Variants in ARHGAP15 observed in about 807,000 individuals in gnomAD.
ARHGAP15 encodes the protein Rho GTPase activating protein 15.
Under a neutral mutation model 63.7 loss-of-function variants are expected in ARHGAP15, and 51 were observed. The observed-to-expected ratio is 0.80, with a 90% CI of 0.64 to 1.01. The LOEUF (loss-of-function observed/expected upper bound fraction) is 1.01. ARHGAP15 is among the 50% of genes least tolerant of loss of function. The probability of loss-of-function intolerance (pLI) is 0.00; values close to 1 mark genes in which losing one functional copy is unlikely to be tolerated. For missense variants in ARHGAP15, 560 were observed against 564.6 expected (o/e 0.99, Z 0.08); for synonymous variants, 191 against 193.8 (o/e 0.99, Z 0.12).
intron 13 of ARHGAP15, 105 bp downstream of exon 13, chr2:143,703,629 C>A: frequency 1.2e-6 from 1 of 804,672 alleles, no homozygotes; most frequent in South Asian, 1.9e-5. Flanking sequence ...GCGTACATCT[C>A]GTATTTTCCC....
chr2:143,378,547 G>A (rs2381468), intron 6 of ARHGAP15, among the ~76,000 whole-genome samples: 61,152 of 151,766 alleles, frequency 0.4, 12,585 homozygotes, highest in African/African-American at 0.48. Flanking sequence ...TAATGCCTTA[G>A]AGAAAGAATA....
intron 11 of ARHGAP15, among the ~76,000 whole-genome samples, chr2:143,611,499 T>C (rs1467844064): frequency 1.3e-5 from 2 of 152,210 alleles, no homozygotes; most frequent in Non-Finnish European, 2.9e-5. Context: ...CATAAGATCA[T>C]GCAGATAAAG....
At chr2:143,729,471 C>A (rs1685432891) in intron 13 of ARHGAP15, among the ~76,000 whole-genome samples, 1 of 152,202 alleles carries the variant, frequency 6.6e-6, no homozygotes, top group South Asian at 2.1e-4. Context: ...TGGTCCGATT[C>A]ACTTTTGTTT....
chr2:143,666,883 C>A (rs1559114217), intron 12 of ARHGAP15, among the ~76,000 whole-genome samples: 1 of 148,282 alleles, frequency 6.7e-6, no homozygotes, highest in South Asian at 2.1e-4. Context: ...CCATCTCACA[C>A]CAGTTAGAAT....
intron 13 of ARHGAP15, 24 bp from the exon 14 acceptor site, chr2:143,767,965 A>ATTTTTTTT: frequency 6.3e-7 from 1 of 1,582,952 alleles, no homozygotes; most frequent in Admixed American, 1.8e-5. Context: ...CAGTGAAATT[A>ATTTTTTTT]TTTTTTTTTC....
At chr2:143,348,570 TC>T (rs1174876568) in intron 6 of ARHGAP15, among the ~76,000 whole-genome samples, 1 of 152,154 alleles carries the variant, frequency 6.6e-6, no homozygotes, top group Non-Finnish European at 1.5e-5. Context: ...TTCTGAAGTG[TC>T]AGCTTCATCT....
chr2:143,212,335 G>C (rs1002610488), intron 3 of ARHGAP15, among the ~76,000 whole-genome samples: 1 of 152,126 alleles, frequency 6.6e-6, no homozygotes, highest in Admixed American at 6.5e-5. Flanking sequence ...TGTGTCTGCC[G>C]AGCACTTCCT....
intron 6 of ARHGAP15, among the ~76,000 whole-genome samples, chr2:143,283,356 G>A (rs752237623): frequency 3.3e-5 from 5 of 152,028 alleles, no homozygotes; most frequent in Non-Finnish European, 5.9e-5. Flanking sequence ...AAAAATATAG[G>A]TGATATCTTT....
At chr2:143,137,089 C>T (rs1226549817) in intron 1 of ARHGAP15, among the ~76,000 whole-genome samples, 1 of 152,048 alleles carries the variant, frequency 6.6e-6, no homozygotes, top group Non-Finnish European at 1.5e-5. Flanking sequence ...GACTATTATA[C>T]TTCAAATTAG....
At chr2:143,429,058 A>T (rs1056976990) in intron 6 of ARHGAP15, among the ~76,000 whole-genome samples, 1 of 152,150 alleles carries the variant, frequency 6.6e-6, no homozygotes, top group African/African-American at 2.4e-5. Flanking sequence ...GTCGTTTTTC[A>T]TATGAGCACC....
intron 6 of ARHGAP15, among the ~76,000 whole-genome samples, chr2:143,411,851 C>G (rs535379142): frequency 6.6e-6 from 1 of 152,130 alleles, no homozygotes; most frequent in African/African-American, 2.4e-5. Context: ...TACTCTCTTA[C>G]CTTTTATACC....
chr2:143,624,061 T>C, intron 11 of ARHGAP15, 72 bp from the exon 12 acceptor site: 2 of 1,560,742 alleles, frequency 1.3e-6, no homozygotes, highest in Non-Finnish European at 8.8e-7. Flanking sequence ...AGGCAAACAT[T>C]AACATAATAA....
intron 6 of ARHGAP15, among the ~76,000 whole-genome samples, chr2:143,368,371 A>G (rs1365629936): frequency 6.6e-6 from 1 of 152,084 alleles, no homozygotes; most frequent in Non-Finnish European, 1.5e-5. Context: ...GTGTTCAGAG[A>G]TGTTGTTCCA....
intron 1 of ARHGAP15, among the ~76,000 whole-genome samples, chr2:143,139,203 C>T (rs1689264555): frequency 1.3e-5 from 2 of 152,124 alleles, no homozygotes; most frequent in South Asian, 4.1e-4. Flanking sequence ...TCCATGGCCT[C>T]TCCCAAGGGT....
At chr2:143,540,513 AC>A (rs1245899102) in intron 10 of ARHGAP15, among the ~76,000 whole-genome samples, 32 of 151,986 alleles carry the variant, frequency 2.1e-4, no homozygotes, top group Non-Finnish European at 4.3e-4. Context: ...AGTGGGTGGT[AC>A]CGGTTGTTTC....
chr2:143,364,449 C>T (rs1686207563), intron 6 of ARHGAP15, among the ~76,000 whole-genome samples: 1 of 152,136 alleles, frequency 6.6e-6, no homozygotes, highest in Non-Finnish European at 1.5e-5. Flanking sequence ...ATTTATTAAA[C>T]ACTTTCTAAG....
At chr2:143,494,036 T>C (rs1692705608) in intron 9 of ARHGAP15, among the ~76,000 whole-genome samples, 1 of 152,218 alleles carries the variant, frequency 6.6e-6, no homozygotes. Context: ...GATTCTGGAA[T>C]CAAGATAATG....
At chr2:143,657,463 A>G (rs1352052022) in intron 12 of ARHGAP15, among the ~76,000 whole-genome samples, 3 of 152,240 alleles carry the variant, frequency 2.0e-5, no homozygotes. Context: ...GCTGATGTAC[A>G]CTTCAGGCTA....
At chr2:143,475,199 G>A (rs189928048) in intron 8 of ARHGAP15, among the ~76,000 whole-genome samples, 16 of 152,250 alleles carry the variant, frequency 1.1e-4, no homozygotes, top group Non-Finnish European at 1.9e-4. Flanking sequence ...AGTATTCACC[G>A]GGCTCCAGCT....
Sources: allele counts gnomAD v4.1 joint callset (sites outside exome capture counted in the v4.1 genomes callset), GRCh38; gene constraint gnomAD v4.1.1; transcripts MANE v1.5; gene names NCBI Gene and HGNC (gene_info 2026-07-23, HGNC 2026-07-21).